DLGAP2: variants seen among roughly 807,000 people sequenced by gnomAD.
DLGAP2 encodes the protein DLG associated protein 2.
In DLGAP2, 26 loss-of-function variants were observed where a neutral mutation model predicts 100.3. That is an observed-to-expected ratio of 0.26 (90% CI 0.19 to 0.36). The LOEUF (loss-of-function observed/expected upper bound fraction) is 0.36. Ranked by LOEUF, DLGAP2 falls within the 10% of genes least tolerant of loss-of-function variation. The pLI, the probability that DLGAP2 is intolerant of heterozygous loss-of-function variation, is 1.00. For synonymous variants in DLGAP2, 886 were observed against 630.1 expected (o/e 1.41, Z -6.08); for missense variants, 1,858 against 1,453.2 (o/e 1.28, Z -4.53).
At chr8:1,062,433 G>A (rs1055515275) in intron 2 of DLGAP2, among the ~76,000 whole-genome samples, 3 of 145,064 alleles carry the variant, frequency 2.1e-5, no homozygotes, top group African/African-American at 7.7e-5. Flanking sequence ...CCACCCAGAC[G>A]CCTCCTGCGC....
chr8:944,087 G>C (rs181040735), intron 2 of DLGAP2, among the ~76,000 whole-genome samples: 103 of 152,338 alleles, frequency 6.8e-4, no homozygotes, highest in Non-Finnish European at 7.8e-4. Flanking sequence ...TGTATAATTT[G>C]CCCAAATGAG....
At chr8:1,019,678 A>G (rs1488767695) in intron 2 of DLGAP2, 2 of 152,176 alleles carry the variant, frequency 1.3e-5, no homozygotes, top group East Asian at 3.9e-4. Context: ...CTTTGGTGTG[A>G]TTATACATAT....
intron 2 of DLGAP2, among the ~76,000 whole-genome samples, chr8:1,235,418 G>A (rs1478885464): frequency 3.3e-5 from 5 of 149,644 alleles, no homozygotes; most frequent in African/African-American, 9.9e-5. Flanking sequence ...ACGTGGCATC[G>A]TGTCTAGTTC....
chr8:1,297,343 G>A (rs1200227458), intron 3 of DLGAP2: 1 of 152,332 alleles, frequency 6.6e-6, no homozygotes, highest in Non-Finnish European at 1.5e-5. Context: ...TCTAGAGGTT[G>A]TTGGCCATCT....
At chr8:1,534,959 A>G (rs1180279119) in intron 4 of DLGAP2, among the ~76,000 whole-genome samples, 2 of 152,240 alleles carry the variant, frequency 1.3e-5, no homozygotes, top group Non-Finnish European at 2.9e-5. Flanking sequence ...GGCCAGCTCC[A>G]TTTCCAAGGT....
chr8:876,919 C>T (rs779324728), intron 1 of DLGAP2, among the ~76,000 whole-genome samples: 5 of 151,896 alleles, frequency 3.3e-5, no homozygotes, highest in Non-Finnish European at 7.4e-5. Flanking sequence ...CAGTTAAACC[C>T]CACGAATGAG....
intron 3 of DLGAP2, among the ~76,000 whole-genome samples, chr8:1,337,068 C>T (rs1801291086): frequency 6.6e-6 from 1 of 151,778 alleles, no homozygotes; most frequent in Non-Finnish European, 1.5e-5. Flanking sequence ...CAGTGTGTGA[C>T]ATGATGAGAA....
chr8:1,407,971 GCT>G (rs1796619042), intron 3 of DLGAP2, among the ~76,000 whole-genome samples: 1 of 152,216 alleles, frequency 6.6e-6, no homozygotes, highest in Non-Finnish European at 1.5e-5. Context: ...GTTGGGGTGG[GCT>G]GTCCTGCACA....
At chr8:1,552,976 G>A (rs1056858544) in intron 5 of DLGAP2, among the ~76,000 whole-genome samples, 4 of 152,198 alleles carry the variant, frequency 2.6e-5, no homozygotes, top group Admixed American at 2.6e-4. Context: ...CATGAGCATT[G>A]TAGGAATGCA....
intron 12 of DLGAP2, chr8:1,679,092 G>C (rs1417151680): frequency 6.5e-6 from 1 of 153,460 alleles, no homozygotes; most frequent in Non-Finnish European, 1.4e-5. Context: ...GTGCTCAAAG[G>C]TCTCACTCCT....
intron 2 of DLGAP2, among the ~76,000 whole-genome samples, chr8:998,134 C>T (rs1800839534): frequency 6.6e-6 from 1 of 152,124 alleles, no homozygotes; most frequent in Admixed American, 6.5e-5. Context: ...AACATGCATA[C>T]ACATGTGCAT....
At chr8:1,294,115 C>T (rs1266726546) in intron 3 of DLGAP2, among the ~76,000 whole-genome samples, 1 of 152,052 alleles carries the variant, frequency 6.6e-6, no homozygotes, top group Admixed American at 6.5e-5. Context: ...AGCAGGTGGT[C>T]CCTCAGGGCA....
chr8:1,232,458 C>G (rs1370478703), intron 2 of DLGAP2, among the ~76,000 whole-genome samples: 3 of 152,222 alleles, frequency 2.0e-5, no homozygotes, highest in Non-Finnish European at 4.4e-5. Context: ...CAGGTGCAGG[C>G]TGTGATGAGG....
At chr8:1,348,873 G>A (rs13438956) in intron 3 of DLGAP2, among the ~76,000 whole-genome samples, 11,689 of 152,248 alleles carry the variant, frequency 0.077, 492 homozygotes, top group Middle Eastern at 0.17. Context: ...TGTCCTGCTT[G>A]TGCCTTTGGA....
intron 2 of DLGAP2, among the ~76,000 whole-genome samples, chr8:1,062,994 A>T (rs1207071506): frequency 2.0e-5 from 3 of 152,162 alleles, no homozygotes; most frequent in African/African-American, 7.2e-5. Context: ...CTCCTTTGGG[A>T]ATGAGTAAAT....
Position 1,164,342 on chromosome 8 carries a change from C to CT in DLGAP2, c.74-94509_74-94508insT, listed in dbSNP as rs1397973885. On this transcript the variant is annotated intron_variant, in intron 2 of 14. Coordinates refer to ENST00000637795, the MANE Select transcript of DLGAP2 (RefSeq NM_001346810.2). ...TGTGGGGACAGATTTTTCTGTGAGC[C>CT]CGCAGGGCCCGTCGTTTTGGTTTGT... Among the ~76,000 whole-genome samples, 66 of 130,108 alleles carry CT rather than the reference C, an allele frequency of 5.1e-4. 5 individuals carry two copies. The highest frequency in any genetic ancestry group is 1.5e-3 in the Admixed American group (20 of 13,082). The allele number at this position is 130,108 out of a possible 152,430, so 85.4% of individuals were successfully genotyped here.
intron 2 of DLGAP2, among the ~76,000 whole-genome samples, chr8:1,146,011 G>T (rs552933539): frequency 2.4e-4 from 36 of 151,902 alleles, no homozygotes; most frequent in African/African-American, 8.5e-4. Flanking sequence ...GTATTCTGTT[G>T]TGTGTGGGTA....
intron 2 of DLGAP2, among the ~76,000 whole-genome samples, chr8:1,148,457 T>G (rs1796643909): frequency 6.6e-6 from 1 of 152,134 alleles, no homozygotes; most frequent in Non-Finnish European, 1.5e-5. Flanking sequence ...AATTAATTTC[T>G]GCTTTAATCT....
chr8:902,474 C>T (rs908869217), intron 1 of DLGAP2, among the ~76,000 whole-genome samples: 1 of 147,818 alleles, frequency 6.8e-6, no homozygotes, highest in Admixed American at 6.8e-5. Flanking sequence ...CCCAGGTAGC[C>T]TAGCGTGAGT....
Sources: gnomAD v4.1 joint callset for allele counts (sites outside exome capture counted in the v4.1 genomes callset) on GRCh38, gnomAD v4.1.1 for gene constraint, MANE v1.5 for transcripts, NCBI Gene and HGNC (gene_info 2026-07-23, HGNC 2026-07-21) for gene names.